The following PKHD1 variants were observed in gnomAD, a reference collection of about 807,000 sequenced individuals.
The protein encoded by PKHD1 is PKHD1 ciliary IPT domain containing fibrocystin/polyductin.
In PKHD1, 291 loss-of-function variants were observed where a neutral mutation model predicts 412.0. That is an observed-to-expected ratio of 0.71 (90% CI 0.64 to 0.78). The LOEUF is 0.78. Ranked by LOEUF, PKHD1 falls within the 30% of genes least tolerant of loss-of-function variation. The pLI is 0.00. For synonymous variants in PKHD1, 1,777 were observed against 1,821.5 expected, an observed-to-expected ratio of 0.98 and a Z score of 0.62; for missense variants, 4,825 against 4,950.7, an observed-to-expected ratio of 0.97 and a Z score of 0.76.
At chr6:51,778,017 G>C (rs1261946709) in intron 53 of PKHD1, among the ~76,000 whole-genome samples, 2 of 152,134 alleles carry the variant, frequency 1.3e-5, no homozygotes, top group Non-Finnish European at 2.9e-5. Context: ...TGACCTAAGA[G>C]AAGGAAATAC....
chr6:51,778,089 C>T (rs566642222), intron 53 of PKHD1, among the ~76,000 whole-genome samples: 8 of 146,808 alleles, frequency 5.4e-5, no homozygotes, highest in Admixed American at 1.4e-4. Flanking sequence ...AAATGGAAAG[C>T]TTTAAAGGCT....
chr6:51,897,482 C>T (rs935841247), intron 43 of PKHD1, among the ~76,000 whole-genome samples: 2 of 150,552 alleles, frequency 1.3e-5, no homozygotes, highest in East Asian at 3.9e-4. Flanking sequence ...TTGTCACCAC[C>T]AGGCCTGCCC....
intron 35 of PKHD1, among the ~76,000 whole-genome samples, chr6:51,991,483 C>T (rs1797033401): frequency 6.6e-6 from 1 of 152,018 alleles, no homozygotes; most frequent in Admixed American, 6.5e-5. Context: ...TAACATAGTC[C>T]TCACTTAAAA....
chr6:51,806,581 CAA>C (rs1205186749), intron 52 of PKHD1, among the ~76,000 whole-genome samples: 2 of 152,036 alleles, frequency 1.3e-5, no homozygotes, highest in Non-Finnish European at 2.9e-5. Flanking sequence ...TGGGAAAAGA[CAA>C]AACATATTTA....
intron 63 of PKHD1, among the ~76,000 whole-genome samples, chr6:51,645,546 A>G (rs1225207649): frequency 6.6e-6 from 1 of 152,056 alleles, no homozygotes; most frequent in Non-Finnish European, 1.5e-5. Flanking sequence ...GCGCATGCCC[A>G]CCATGCCCGG....
intron 60 of PKHD1, among the ~76,000 whole-genome samples, chr6:51,734,344 A>C (rs746288076): frequency 1.3e-5 from 2 of 152,224 alleles, no homozygotes; most frequent in Non-Finnish European, 2.9e-5. Flanking sequence ...AAATGCTAAA[A>C]CAAATTATGC....
intron 66 of PKHD1, among the ~76,000 whole-genome samples, chr6:51,620,618 AT>A (rs1766485902): frequency 1.3e-5 from 2 of 151,534 alleles, no homozygotes. Flanking sequence ...GCTTTTTGTT[AT>A]TTTTTTCCTG....
chr6:52,071,980 T>C (rs1810675103), intron 8 of PKHD1, 135 bp downstream of exon 8: 1 of 694,702 alleles, frequency 1.4e-6, no homozygotes, highest in African/African-American at 1.8e-5. Context: ...AGGTAGTAAA[T>C]AGCTATGTGT....
intron 37 of PKHD1, among the ~76,000 whole-genome samples, chr6:51,922,344 G>C (rs1433051976): frequency 3.9e-5 from 6 of 152,222 alleles, no homozygotes; most frequent in Non-Finnish European, 8.8e-5. Context: ...GCACCCAGCT[G>C]TATGAGGTGT....
intron 52 of PKHD1, among the ~76,000 whole-genome samples, chr6:51,799,635 G>A (rs1387728410): frequency 6.6e-6 from 1 of 152,066 alleles, no homozygotes; most frequent in African/African-American, 2.4e-5. Context: ...AAATATTTCA[G>A]CTAGTTACAT....
chr6:51,872,180 GA>G, intron 46 of PKHD1, among the ~76,000 whole-genome samples: 1 of 152,000 alleles, frequency 6.6e-6, no homozygotes, highest in East Asian at 1.9e-4. Context: ...AAACATAGGG[GA>G]AAGAATTATC....
rs762742474 is a variant in PKHD1 at position 51,744,577 on chromosome 6, CATG to C, written c.9999-38_9999-36del. 5 of 1,557,626 alleles carry C rather than the reference CATG, an allele frequency of 3.2e-6. No homozygotes were observed. The African/African-American group carries it at 5.4e-5, about 17-fold the overall frequency. On this transcript the variant is annotated intron_variant, in intron 59 of 66. Transcript: ENST00000371117. ...CAGTCAAAAAGCAACTCTTTCATTTCATGATAAGCAGCAAGAAGAAAATATACA... is the reference window on the plus strand; with the variant it reads ...CAGTCAAAAAGCAACTCTTTCATTTCATAAGCAGCAAGAAGAAAATATACA...
rs138773196 is a variant in PKHD1 at position 52,061,031 on chromosome 6, C to T, written c.1119-989G>A. On this transcript the variant is annotated intron_variant, in intron 14 of 66. Transcript: ENST00000371117. ...CTATAGAAGTCAAAATGTTCTTTTG[C>T]CTTTTGGGGTAGGCTGACTCACTCC... 7.9e-3 allele frequency among the ~76,000 whole-genome samples: 1,199 copies of T among 152,248 alleles called. 15 individuals carry two copies. Among genetic ancestry groups the T allele is most frequent in the African/African-American group, 0.028 (1,155 of 41,536 alleles).
At chr6:51,736,744 C>T (rs141843534) in intron 60 of PKHD1, among the ~76,000 whole-genome samples, 1 of 152,256 alleles carries the variant, frequency 6.6e-6, no homozygotes, top group Non-Finnish European at 1.5e-5. Flanking sequence ...TTCCTCTCTC[C>T]ATTCTGTCCT....
intron 66 of PKHD1, among the ~76,000 whole-genome samples, chr6:51,626,273 G>A (rs763565683): frequency 3.3e-5 from 5 of 152,054 alleles, no homozygotes; most frequent in Middle Eastern, 3.2e-3. Context: ...TGACTCTTTG[G>A]AGTATATGTT....
chr6:51,669,434 T>C (rs1774494304), intron 60 of PKHD1, among the ~76,000 whole-genome samples: 1 of 150,946 alleles, frequency 6.6e-6, no homozygotes, highest in Admixed American at 6.6e-5. Context: ...GATTCTTCTC[T>C]CTTTTTTTCT....
chr6:51,754,451 A>G (rs928521332), intron 56 of PKHD1, among the ~76,000 whole-genome samples: 1 of 152,204 alleles, frequency 6.6e-6, no homozygotes, highest in Non-Finnish European at 1.5e-5. Context: ...CTCAGTGCCC[A>G]TAAGTTTTAT....
chr6:51,842,696 T>C (rs1228396247), intron 50 of PKHD1, among the ~76,000 whole-genome samples: 2 of 152,136 alleles, frequency 1.3e-5, no homozygotes, highest in African/African-American at 4.8e-5. Context: ...TGTGTTCCTA[T>C]TGTGATGAAG....
intron 55 of PKHD1, among the ~76,000 whole-genome samples, chr6:51,760,001 T>C (rs1454922502): frequency 6.6e-6 from 1 of 152,120 alleles, no homozygotes; most frequent in Non-Finnish European, 1.5e-5. Flanking sequence ...AATAGTTTAT[T>C]GGACCTCTAA....
Sources: allele counts gnomAD v4.1 joint callset (sites outside exome capture counted in the v4.1 genomes callset), GRCh38; gene constraint gnomAD v4.1.1; transcripts MANE v1.5; gene names NCBI Gene and HGNC (gene_info 2026-07-23, HGNC 2026-07-21).